Variants in CGNL1 observed in about 807,000 individuals in gnomAD.
CGNL1 encodes cingulin-like protein 1.
CGNL1 carries 132 observed loss-of-function variants against 141.2 expected under a neutral mutation model. That is an observed-to-expected ratio of 0.93 (90% CI 0.81 to 1.08). The LOEUF (loss-of-function observed/expected upper bound fraction) is 1.08, where lower values mean the gene tolerates loss of function less well. Ranked by LOEUF, CGNL1 falls within the 50% of genes least tolerant of loss-of-function variation. The pLI, the probability that CGNL1 is intolerant of heterozygous loss-of-function variation, is 0.00. For synonymous variants in CGNL1, 690 were observed against 622.1 expected, an observed-to-expected ratio of 1.11 and a Z score of -1.63; for missense variants, 1,870 against 1,588.6, an observed-to-expected ratio of 1.18 and a Z score of -3.01.
intron 1 of CGNL1, among the ~76,000 whole-genome samples, chr15:57,424,351 G>A (rs1433226695): frequency 1.3e-5 from 2 of 151,958 alleles, no homozygotes; most frequent in Non-Finnish European, 2.9e-5. Context: ...CCATCACCTC[G>A]CTGTCACCTA....
At chr15:57,396,521 C>T (rs2062604826) in intron 1 of CGNL1, among the ~76,000 whole-genome samples, 1 of 152,170 alleles carries the variant, frequency 6.6e-6, no homozygotes, top group Admixed American at 6.5e-5. Flanking sequence ...GATCTTCCTG[C>T]CTTGGCCTCC....
intron 10 of CGNL1, among the ~76,000 whole-genome samples, chr15:57,522,409 C>T (rs1459671947): frequency 6.6e-6 from 1 of 152,224 alleles, no homozygotes; most frequent in Middle Eastern, 3.2e-3. Context: ...CCTGTGGCAG[C>T]AGCTTGTAAA....
In CGNL1 at chr15:57,439,164, G is replaced by A. The variant is rs778146049; in HGVS notation, c.1165G>A (p.Val389Met). The A allele has an allele frequency of 1.9e-6, 3 of 1,614,180 alleles. No individual in the cohort carries two copies. The highest frequency in any genetic ancestry group is 1.3e-5 in the African/African-American group (1 of 75,050). ...AGATGACAGGAAAAGATCCAGAAGCGTGGATAGCGCCTTTCCTTTTGGCCT... is the reference window on the plus strand; with the variant it reads ...AGATGACAGGAAAAGATCCAGAAGCATGGATAGCGCCTTTCCTTTTGGCCT... ...NTDDRKRSRS[V>M]DSAFPFGLQG... The change falls in exon 2 of 19, where the codon GTG becomes ATG. Residue 389 changes from valine (V) to methionine (M), a missense_variant. Transcript: ENST00000281282.
Position 57,531,898 on chromosome 15 carries a change from A to G in CGNL1, c.3291+119A>G, listed in dbSNP as rs1420552580. The G allele has an allele frequency of 1.8e-5, 12 of 660,526 alleles. No homozygotes were observed. The Admixed American group carries it at 2.0e-4, about 11-fold the overall frequency. The allele number at this position is 660,526 out of a possible 1,614,324, so 40.9% of individuals were successfully genotyped here. On this transcript the variant is annotated intron_variant, in intron 14 of 18. Transcript: ENST00000281282. ...AAAAATTCATGCCATCTAGAAATTG[A>G]TGGAAGATTGAATAGTCATCACCAT...
chr15:57,507,723 C>A (rs1487087145), intron 8 of CGNL1, among the ~76,000 whole-genome samples: 1 of 152,172 alleles, frequency 6.6e-6, no homozygotes, highest in Non-Finnish European at 1.5e-5. Flanking sequence ...GACATTGTTA[C>A]AGATGATCTG....
chr15:57,545,534 T>A, intron 16 of CGNL1, 58 bp from the exon 17 acceptor site: 2 of 1,506,190 alleles, frequency 1.3e-6, no homozygotes, highest in Admixed American at 1.8e-5. Flanking sequence ...CAGCCTAGGC[T>A]GGGCCCCCTG....
At chr15:57,513,254 GT>G (rs1334499851) in intron 8 of CGNL1, among the ~76,000 whole-genome samples, 24 of 4,902 alleles carry the variant, frequency 4.9e-3, no homozygotes, top group African/African-American at 8.9e-3. Flanking sequence ...GTCAATATGG[GT>G]GTGTGTGTGT....
chr15:57,503,105 T>A (rs1190693220), intron 8 of CGNL1, among the ~76,000 whole-genome samples: 1 of 152,222 alleles, frequency 6.6e-6, no homozygotes, highest in Non-Finnish European at 1.5e-5. Flanking sequence ...TTCCTAGATG[T>A]GAAGTCTATT....
At chr15:57,378,198 T>A (rs1295412379) in intron 1 of CGNL1, among the ~76,000 whole-genome samples, 1 of 152,048 alleles carries the variant, frequency 6.6e-6, no homozygotes, top group Non-Finnish European at 1.5e-5. Flanking sequence ...ATCAAGAAAA[T>A]GTGTTTTCAC....
chr15:57,378,462 G>C, intron 1 of CGNL1, among the ~76,000 whole-genome samples: 1 of 138,744 alleles, frequency 7.2e-6, no homozygotes. Flanking sequence ...GCTTACGGCA[G>C]CCTCGGCCTC....
At chr15:57,510,303 G>C (rs1438459219) in intron 8 of CGNL1, among the ~76,000 whole-genome samples, 5 of 152,228 alleles carry the variant, frequency 3.3e-5, no homozygotes, top group Non-Finnish European at 7.3e-5. Context: ...CCCTTCTTCA[G>C]ATAGGAAACT....
rs985657939 is a variant in CGNL1 at position 57,452,188 on chromosome 15, A to G, written c.1953A>G (p.Leu651=). ...KEERERMRAN[L]EELRSQHNEK... ...AGAGAGAGAGGATGAGAGCAAACCT[A>G]GAAGAGCTCCGAAGCCAACACAACG... Residue 651 remains leucine (L), a synonymous_variant, in exon 6 of 19, where the codon CTA becomes CTG. Coordinates refer to ENST00000281282, the MANE Select transcript of CGNL1 (RefSeq NM_032866.5). The G allele has an allele frequency of 2.8e-5, 45 of 1,613,904 alleles. No homozygotes were observed. The highest frequency in any genetic ancestry group is 3.7e-5 in the Non-Finnish European group (44 of 1,179,950).
intron 8 of CGNL1, among the ~76,000 whole-genome samples, chr15:57,477,104 G>A (rs1325344650): frequency 1.3e-5 from 2 of 152,166 alleles, no homozygotes; most frequent in Non-Finnish European, 2.9e-5. Context: ...TCTGGGTTTA[G>A]GGAAACATTG....
At chr15:57,403,708 A>G (rs952447183) in intron 1 of CGNL1, among the ~76,000 whole-genome samples, 10 of 152,242 alleles carry the variant, frequency 6.6e-5, no homozygotes, top group African/African-American at 2.4e-4. Flanking sequence ...GGCTAGAGGC[A>G]GGCTGGAAAA....
chr15:57,464,863 C>T (rs1277933600), intron 8 of CGNL1, among the ~76,000 whole-genome samples: 1 of 151,920 alleles, frequency 6.6e-6, no homozygotes, highest in African/African-American at 2.4e-5. Flanking sequence ...AGTTCTCCTG[C>T]CTCAGCCTCC....
At chr15:57,501,869 AG>A (rs1208854532) in intron 8 of CGNL1, among the ~76,000 whole-genome samples, 2 of 152,210 alleles carry the variant, frequency 1.3e-5, no homozygotes, top group South Asian at 2.1e-4. Flanking sequence ...CGGCACTCAC[AG>A]GGGGGAAGTT....
intron 1 of CGNL1, among the ~76,000 whole-genome samples, chr15:57,422,223 T>A (rs7165702): frequency 0.03 from 4,610 of 152,106 alleles, 212 homozygotes; most frequent in African/African-American, 0.1. Flanking sequence ...GCAGTTATTT[T>A]TTTTTTTTCT....
At chr15:57,544,079 A>G (rs1623697) in intron 15 of CGNL1, among the ~76,000 whole-genome samples, 42,617 of 151,958 alleles carry the variant, frequency 0.28, 6,655 homozygotes, top group African/African-American at 0.42. Context: ...GGCTCAGAAA[A>G]CTTCATCGGG....
intron 1 of CGNL1, among the ~76,000 whole-genome samples, chr15:57,404,734 C>T (rs2062696119): frequency 6.6e-6 from 1 of 152,134 alleles, no homozygotes. Context: ...TGGAATAAAT[C>T]TGGAGGAACT....
Sources: allele counts gnomAD v4.1 joint callset (sites outside exome capture counted in the v4.1 genomes callset), GRCh38; gene constraint gnomAD v4.1.1; transcripts MANE v1.5; gene names NCBI Gene and HGNC (gene_info 2026-07-23, HGNC 2026-07-21).